The following TAOK3 variants were observed in gnomAD, a reference collection of about 807,000 sequenced individuals.
The protein encoded by TAOK3 is serine/threonine-protein kinase TAO3.
A neutral mutation model predicts 120.4 loss-of-function variants in TAOK3; 40 were observed. That is an observed-to-expected ratio of 0.33 (90% CI 0.26 to 0.43). The LOEUF is 0.43. Ranked by LOEUF, TAOK3 falls within the 20% of genes least tolerant of loss-of-function variation. TAOK3 has a pLI of 1.00. For missense variants in TAOK3, 821 were observed against 1,112.1 expected (o/e 0.74, Z 3.72); for synonymous variants, 355 against 387.5 (o/e 0.92, Z 0.99).
chr12:118,150,774 G>T lies in TAOK3; in HGVS notation c.*223C>A. 1.9e-6 allele frequency: 1 copy of T among 531,012 alleles called. No individual in the cohort carries two copies. Among genetic ancestry groups the T allele is most frequent in the Non-Finnish European group, 3.3e-6 (1 of 301,634 alleles). The allele number at this position is 531,012 out of a possible 1,614,324, so 32.9% of individuals were successfully genotyped here. ...GACGTGTACTGTGAATAGAAGAGAC[G>T]GCCAGGTTTTGGCCAGCACTGAAAG... On this transcript the variant is annotated 3_prime_UTR_variant, in exon 21 of 21. Transcript: ENST00000392533.
At chr12:118,223,676 C>A (rs994422805) in intron 9 of TAOK3, among the ~76,000 whole-genome samples, 7 of 145,530 alleles carry the variant, frequency 4.8e-5, no homozygotes, top group African/African-American at 1.8e-4. Flanking sequence ...CAGAGTCTCT[C>A]TTTGTCTCCC....
chr12:118,271,513 C>A (rs958578065), intron 1 of TAOK3, among the ~76,000 whole-genome samples: 2 of 152,114 alleles, frequency 1.3e-5, no homozygotes, highest in African/African-American at 4.8e-5. Flanking sequence ...ATCAGTATTT[C>A]TTTTTATTGC....
chr12:118,220,285 A>C (rs2039166413), intron 9 of TAOK3, among the ~76,000 whole-genome samples: 2 of 152,296 alleles, frequency 1.3e-5, no homozygotes, highest in African/African-American at 4.8e-5. Context: ...TCATCTCTGC[A>C]TTCTCAGTGC....
intron 9 of TAOK3, among the ~76,000 whole-genome samples, chr12:118,229,480 A>G (rs1238187819): frequency 6.6e-6 from 1 of 152,150 alleles, no homozygotes; most frequent in Non-Finnish European, 1.5e-5. Flanking sequence ...ATGTATTTCA[A>G]CTACCTTCTC....
At chr12:118,198,964 A>G (rs1458905430) in intron 13 of TAOK3, 87 bp downstream of exon 13, 2 of 1,481,022 alleles carry the variant, frequency 1.4e-6, no homozygotes, top group African/African-American at 2.8e-5. Context: ...CAAAAAGGTA[A>G]CTGAAACATC....
At chr12:118,321,833 G>GT (rs967304409) in intron 1 of TAOK3, among the ~76,000 whole-genome samples, 20 of 149,050 alleles carry the variant, frequency 1.3e-4, no homozygotes, top group African/African-American at 2.2e-4. Context: ...ATTTTTGCAA[G>GT]TTTTTTTTTT....
At chr12:118,348,672 G>C (rs1367368591) in intron 1 of TAOK3, among the ~76,000 whole-genome samples, 5 of 151,848 alleles carry the variant, frequency 3.3e-5, no homozygotes, top group Non-Finnish European at 7.4e-5. Context: ...GAATGGTCTC[G>C]ATCTCCTGAC....
chr12:118,333,695 G>C (rs2044244119), intron 1 of TAOK3, among the ~76,000 whole-genome samples: 1 of 151,148 alleles, frequency 6.6e-6, no homozygotes, highest in Non-Finnish European at 1.5e-5. Context: ...ATCAAAACTA[G>C]TTATTTGAAA....
chr12:118,275,906 C>T (rs1470740110), intron 1 of TAOK3, among the ~76,000 whole-genome samples: 1 of 152,016 alleles, frequency 6.6e-6, no homozygotes, highest in Non-Finnish European at 1.5e-5. Flanking sequence ...AAGGTCCTGG[C>T]AAGGAAGAGT....
At chr12:118,326,868 C>T (rs959201781) in intron 1 of TAOK3, among the ~76,000 whole-genome samples, 3 of 152,104 alleles carry the variant, frequency 2.0e-5, no homozygotes, top group African/African-American at 2.4e-5. Context: ...ACTTAGCCTC[C>T]CCATTCTGAC....
At chr12:118,355,619 T>G (rs901597318) in intron 1 of TAOK3, among the ~76,000 whole-genome samples, 10 of 152,354 alleles carry the variant, frequency 6.6e-5, no homozygotes, top group African/African-American at 2.2e-4. Flanking sequence ...TTCTAAATAC[T>G]TCTATTATTA....
At chr12:118,279,582 AT>A (rs1285001157) in intron 1 of TAOK3, among the ~76,000 whole-genome samples, 7,453 of 121,230 alleles carry the variant, frequency 0.061, 288 homozygotes, top group African/African-American at 0.15. Context: ...TCTTGAGTTG[AT>A]TTTTTTTTTT....
rs1278517361 is a variant in TAOK3, at chr12:118,352,944, AGG to A, written c.-194+19702_-194+19703del. On this transcript the variant is annotated intron_variant, in intron 1 of 20. Transcript: ENST00000392533. ...AGGCTGGTCTCGAACTCCTGACCTCAGGTGATCCATTTACCTTGACCTCCCAA... is the reference window on the plus strand; with the variant it reads ...AGGCTGGTCTCGAACTCCTGACCTCATGATCCATTTACCTTGACCTCCCAA... 5.9e-5 allele frequency among the ~76,000 whole-genome samples: 9 copies of A among 152,192 alleles called. No homozygotes were observed. In the East Asian group the frequency reaches 1.7e-3, roughly 29 times the overall value.
At chr12:118,190,011 C>T in intron 13 of TAOK3, 70 bp from the exon 14 acceptor site, 2 of 1,589,404 alleles carry the variant, frequency 1.3e-6, no homozygotes, top group Non-Finnish European at 1.7e-6. Context: ...CTCTCTCTCA[C>T]CCCTCTTTCT....
chr12:118,178,919 G>C (rs947811032), intron 15 of TAOK3, among the ~76,000 whole-genome samples: 1 of 152,176 alleles, frequency 6.6e-6, no homozygotes, highest in Non-Finnish European at 1.5e-5. Context: ...TACGTAAGAC[G>C]AGCGACTTGG....
intron 1 of TAOK3, among the ~76,000 whole-genome samples, chr12:118,333,350 AAC>A (rs2141041623): frequency 6.6e-6 from 1 of 152,362 alleles, no homozygotes; most frequent in East Asian, 1.9e-4. Flanking sequence ...AAAGTCTTCA[AAC>A]ATTTGGAAAT....
chr12:118,353,102 A>G (rs1056521758), intron 1 of TAOK3, among the ~76,000 whole-genome samples: 1 of 152,204 alleles, frequency 6.6e-6, no homozygotes, highest in Non-Finnish European at 1.5e-5. Flanking sequence ...AGGAACTGTG[A>G]AAGATTTAGC....
intron 1 of TAOK3, among the ~76,000 whole-genome samples, chr12:118,317,635 A>G (rs1251445814): frequency 6.6e-6 from 1 of 152,042 alleles, no homozygotes; most frequent in Non-Finnish European, 1.5e-5. Flanking sequence ...GAAAGACATT[A>G]TGTGTTCAGG....
At chr12:118,239,051 ATCAC>A (rs1170201290) in intron 6 of TAOK3, among the ~76,000 whole-genome samples, 172 bp downstream of exon 6, 2 of 152,226 alleles carry the variant, frequency 1.3e-5, no homozygotes, top group African/African-American at 4.8e-5. Context: ...GACTGCTAAC[ATCAC>A]TCAGACACTT....
Sources: gnomAD v4.1 joint callset for allele counts (sites outside exome capture counted in the v4.1 genomes callset) on GRCh38, gnomAD v4.1.1 for gene constraint, MANE v1.5 for transcripts, NCBI Gene and HGNC (gene_info 2026-07-23, HGNC 2026-07-21) for gene names.